CNTN5: variants seen among roughly 807,000 people sequenced by gnomAD.
CNTN5 encodes contactin 5, also known as contactin-5.
In CNTN5, 77 loss-of-function variants were observed where a neutral mutation model predicts 129.1. That is an observed-to-expected ratio of 0.60 (90% CI 0.50 to 0.72). The LOEUF is 0.72. CNTN5 is among the 30% of genes least tolerant of loss of function. The pLI is 0.00. For synonymous variants in CNTN5, 509 were observed against 465.6 expected, an observed-to-expected ratio of 1.09 and a Z score of -1.20; for missense variants, 1,478 against 1,328.8, an observed-to-expected ratio of 1.11 and a Z score of -1.75.
At chr11:99,994,175 T>C (rs1939301157) in intron 8 of CNTN5, among the ~76,000 whole-genome samples, 1 of 144,456 alleles carries the variant, frequency 6.9e-6, no homozygotes, top group Non-Finnish European at 1.5e-5. Flanking sequence ...AACAAAAGAA[T>C]GTCTTCTTTG....
chr11:99,686,179 T>G (rs892101516), intron 3 of CNTN5, among the ~76,000 whole-genome samples: 11 of 152,072 alleles, frequency 7.2e-5, no homozygotes, highest in Non-Finnish European at 1.5e-4. Context: ...TAACATGGTT[T>G]TATACAGTCA....
intron 1 of CNTN5, among the ~76,000 whole-genome samples, chr11:99,295,654 A>G (rs1401932974): frequency 6.6e-6 from 1 of 151,846 alleles, no homozygotes; most frequent in Non-Finnish European, 1.5e-5. Flanking sequence ...AGGCGGGTGG[A>G]TCATGAGGTC....
chr11:100,239,782 A>G (rs1949698002), intron 16 of CNTN5, among the ~76,000 whole-genome samples: 1 of 152,230 alleles, frequency 6.6e-6, no homozygotes, highest in Non-Finnish European at 1.5e-5. Context: ...AGAAAAGGAA[A>G]TATTTTGCAA....
intron 1 of CNTN5, among the ~76,000 whole-genome samples, chr11:99,054,943 A>C (rs144383948): frequency 3.3e-5 from 5 of 152,116 alleles, no homozygotes; most frequent in African/African-American, 1.2e-4. Flanking sequence ...TCCTAAGCTA[A>C]AAATTTTCTG....
intron 1 of CNTN5, among the ~76,000 whole-genome samples, chr11:99,172,460 A>AT (rs1861191593): frequency 1.3e-5 from 2 of 152,158 alleles, no homozygotes; most frequent in Admixed American, 6.5e-5. Flanking sequence ...TGTGCCTAAT[A>AT]TTTTTTATTG....
chr11:99,474,966 T>G (rs1437514333), intron 2 of CNTN5, among the ~76,000 whole-genome samples: 1 of 152,152 alleles, frequency 6.6e-6, no homozygotes, highest in Non-Finnish European at 1.5e-5. Context: ...TAACTGTCAT[T>G]GTAACAGTTT....
chr11:100,110,108 G>GCCCA (rs1485285869), intron 13 of CNTN5, among the ~76,000 whole-genome samples: 3 of 151,518 alleles, frequency 2.0e-5, no homozygotes, highest in Admixed American at 2.0e-4. Flanking sequence ...GATGGCTTGA[G>GCCCA]CCCAGTGGGT....
intron 1 of CNTN5, among the ~76,000 whole-genome samples, chr11:99,025,869 T>C (rs1863087672): frequency 6.6e-6 from 1 of 151,648 alleles, no homozygotes; most frequent in Non-Finnish European, 1.5e-5. Context: ...GTATTAAGGA[T>C]TTTTTTCTGA....
chr11:100,271,776 C>T (rs529982464), intron 18 of CNTN5, among the ~76,000 whole-genome samples: 17 of 152,284 alleles, frequency 1.1e-4, no homozygotes, highest in Admixed American at 6.5e-4. Context: ...ACTTTGAAAA[C>T]ATTACATTAT....
At chr11:99,245,948 T>C (rs909031778) in intron 1 of CNTN5, among the ~76,000 whole-genome samples, 2 of 152,148 alleles carry the variant, frequency 1.3e-5, no homozygotes, top group African/African-American at 2.4e-5. Flanking sequence ...ATCATCACCA[T>C]TGAGAACCCA....
intron 6 of CNTN5, among the ~76,000 whole-genome samples, chr11:99,900,145 C>G (rs1949316715): frequency 6.6e-6 from 1 of 150,440 alleles, no homozygotes; most frequent in Non-Finnish European, 1.5e-5. Context: ...TTTTCTTTAT[C>G]CTTTCAAAGA....
At chr11:100,249,011 GT>G (rs1949907459) in intron 16 of CNTN5, among the ~76,000 whole-genome samples, 1 of 152,104 alleles carries the variant, frequency 6.6e-6, no homozygotes, top group Non-Finnish European at 1.5e-5. Flanking sequence ...TTTTGCCTCT[GT>G]TTCTGAGGGA....
At chr11:100,139,945 A>T (rs1406319916) in intron 13 of CNTN5, among the ~76,000 whole-genome samples, 1 of 152,178 alleles carries the variant, frequency 6.6e-6, no homozygotes, top group African/African-American at 2.4e-5. Context: ...GATGGCTAAG[A>T]ATATAATCCC....
chr11:99,398,838 A>G (rs1941658613), intron 2 of CNTN5, among the ~76,000 whole-genome samples: 1 of 151,710 alleles, frequency 6.6e-6, no homozygotes, highest in South Asian at 2.1e-4. Context: ...TGTGCTGACA[A>G]CTCATATCAC....
At chr11:99,314,053 A>G (rs1865230602) in intron 1 of CNTN5, among the ~76,000 whole-genome samples, 1 of 152,048 alleles carries the variant, frequency 6.6e-6, no homozygotes, top group Non-Finnish European at 1.5e-5. Context: ...GGGGGTTGGT[A>G]AAAGGTGACA....
At chr11:100,114,359 G>T (rs565866484) in intron 13 of CNTN5, among the ~76,000 whole-genome samples, 1 of 152,074 alleles carries the variant, frequency 6.6e-6, no homozygotes, top group African/African-American at 2.4e-5. Context: ...TCAGTATTTG[G>T]ATCATATTCC....
chr11:99,802,919 G>A (rs1400915837), intron 3 of CNTN5, among the ~76,000 whole-genome samples: 1 of 152,186 alleles, frequency 6.6e-6, no homozygotes, highest in African/African-American at 2.4e-5. Flanking sequence ...GGCTCAGGCT[G>A]CCAATCCTGG....
chr11:99,458,974 GAAAC>G (rs1279228980), intron 2 of CNTN5, among the ~76,000 whole-genome samples: 1 of 151,994 alleles, frequency 6.6e-6, no homozygotes, highest in African/African-American at 2.4e-5. Context: ...GAGCTGTTTG[GAAAC>G]AAACGAAGTC....
chr11:99,407,532 G>A (rs1048242250), intron 2 of CNTN5, among the ~76,000 whole-genome samples: 1 of 152,164 alleles, frequency 6.6e-6, no homozygotes, highest in Non-Finnish European at 1.5e-5. Flanking sequence ...GGAGAGGGGT[G>A]AGACAAGTAC....
Sources: allele counts gnomAD v4.1 joint callset (sites outside exome capture counted in the v4.1 genomes callset), GRCh38; gene constraint gnomAD v4.1.1; transcripts MANE v1.5; gene names NCBI Gene and HGNC (gene_info 2026-07-23, HGNC 2026-07-21).